The following TAF3 variants were observed in gnomAD, a reference collection of about 807,000 sequenced individuals.
The protein encoded by TAF3 is transcription initiation factor TFIID subunit 3.
TAF3 carries 7 observed loss-of-function variants against 80.6 expected under a neutral mutation model. The ratio of observed to expected loss-of-function variants is 0.09; its 90% CI spans 0.05 to 0.16. The LOEUF (loss-of-function observed/expected upper bound fraction) is 0.16. Ranked by LOEUF, TAF3 falls within the 10% of genes least tolerant of loss-of-function variation. TAF3 has a pLI of 1.00. For synonymous variants in TAF3, 444 were observed against 446.1 expected (o/e 1.00, Z 0.06); for missense variants, 921 against 1,140.2 (o/e 0.81, Z 2.77).
chr10:8,009,270 C>A lies in TAF3; in HGVS notation c.2508C>A (p.Ser836=). ...ALLPSPGPAA[S]GASAKAPVRS... is the part of the protein sequence containing the mutation. ...TGCCCTCCCCGGGTCCCGCCGCCTC[C>A]GGGGCCAGTGCCAAAGCCCCCGTGC... The change falls in exon 5 of 7, where the codon TCC becomes TCA. Residue 836 remains serine, a synonymous_variant. Transcript: ENST00000344293. This position sits in a 1 kb window ranked among gnomAD's most constrained non-coding sequence, Gnocchi z 4.1. The A allele has an allele frequency of 1.9e-6, 3 of 1,570,544 alleles. No individual in the cohort carries two copies. The highest frequency in any genetic ancestry group is 2.3e-5 in the South Asian group (2 of 86,798).
chr10:8,006,192 AC>A (rs1831990786), intron 4 of TAF3, among the ~76,000 whole-genome samples: 1 of 129,326 alleles, frequency 7.7e-6, no homozygotes, highest in African/African-American at 3.3e-5. Context: ...ACACACACAC[AC>A]ACACACACAC....
At chr10:7,994,820 A>G (rs2131430605) in intron 4 of TAF3, among the ~76,000 whole-genome samples, 1 of 151,366 alleles carries the variant, frequency 6.6e-6, no homozygotes, top group Admixed American at 6.6e-5. Flanking sequence ...AAAAAAAAAA[A>G]AAAAAATAGC....
intron 2 of TAF3, among the ~76,000 whole-genome samples, chr10:7,829,265 T>G (rs1564342267): frequency 6.6e-6 from 1 of 152,180 alleles, no homozygotes; most frequent in African/African-American, 2.4e-5. Flanking sequence ...TCTTCTGTTA[T>G]TAACCTTTTA....
Position 7,894,646 on chromosome 10 carries a change from C to G in TAF3, c.410-69274C>G, listed in dbSNP as rs193082915. On this transcript the variant is annotated intron_variant, in intron 2 of 6. Transcript: ENST00000344293. The stretch of plus-strand genomic sequence containing the variant: ...CCAATTAATATTTATTGAACACTTA[C>G]TATAAATGCCAAAATCATCTATGAA... Among the ~76,000 whole-genome samples the G allele has an allele frequency of 2.0e-5, 3 of 152,278 alleles. No individual in the cohort carries two copies. In the East Asian group the frequency reaches 5.8e-4, roughly 29 times the overall value.
intron 1 of TAF3, 73 bp downstream of exon 1, chr10:7,818,948 C>A: frequency 7.6e-7 from 1 of 1,316,978 alleles, no homozygotes; most frequent in Non-Finnish European, 9.7e-7. Context: ...CCCTGTCCCT[C>A]CGCGTCCCCG....
chr10:7,911,601 C>T (rs1238904984), intron 2 of TAF3, among the ~76,000 whole-genome samples: 4 of 152,172 alleles, frequency 2.6e-5, no homozygotes, highest in South Asian at 2.1e-4. Flanking sequence ...AGCAGCAGGA[C>T]GTTTACCAGA....
intron 2 of TAF3, among the ~76,000 whole-genome samples, chr10:7,935,808 C>T (rs1030548029): frequency 1.5e-4 from 23 of 152,050 alleles, no homozygotes; most frequent in Non-Finnish European, 5.9e-5. Context: ...CTCATTGATT[C>T]AGGAGAAAAG....
chr10:7,842,172 T>TG (rs1836924480), intron 2 of TAF3, among the ~76,000 whole-genome samples: 1 of 97,146 alleles, frequency 1.0e-5, no homozygotes, highest in African/African-American at 3.9e-5. Context: ...TTGTTTTTTT[T>TG]TTTGTTTTTT....
chr10:7,906,706 C>T (rs533267701), intron 2 of TAF3, among the ~76,000 whole-genome samples: 80 of 151,528 alleles, frequency 5.3e-4, no homozygotes, highest in Admixed American at 1.8e-3. Context: ...TTAAATAGAG[C>T]GCAAGCAGCA....
chr10:7,931,011 A>C (rs1459221793), intron 2 of TAF3, among the ~76,000 whole-genome samples: 1 of 152,120 alleles, frequency 6.6e-6, no homozygotes, highest in Non-Finnish European at 1.5e-5. Context: ...ACTTAATTTG[A>C]CTCTACAGTA....
At chr10:7,961,435 C>T (rs1838188998) in intron 2 of TAF3, among the ~76,000 whole-genome samples, 1 of 152,222 alleles carries the variant, frequency 6.6e-6, no homozygotes, top group South Asian at 2.1e-4. Context: ...GCCTCATCCT[C>T]GTTGACCTCT....
intron 4 of TAF3, among the ~76,000 whole-genome samples, chr10:7,985,652 C>G (rs996052951): frequency 2.0e-5 from 3 of 152,202 alleles, no homozygotes; most frequent in African/African-American, 7.2e-5. Flanking sequence ...TTCCAGAGAA[C>G]ATGCAGCAGC....
chr10:7,876,439 AT>A (rs758008985), intron 2 of TAF3, among the ~76,000 whole-genome samples: 3 of 152,170 alleles, frequency 2.0e-5, no homozygotes, highest in Non-Finnish European at 2.9e-5. Flanking sequence ...TAAAGTACAT[AT>A]TGTTTTCTAA....
intron 2 of TAF3, among the ~76,000 whole-genome samples, chr10:7,958,560 T>G (rs1838158741): frequency 6.6e-6 from 1 of 152,040 alleles, no homozygotes; most frequent in Non-Finnish European, 1.5e-5. Flanking sequence ...CCTACAAATA[T>G]GGTAAAACTA....
At chr10:7,969,737 C>G (rs1358017154) in intron 3 of TAF3, among the ~76,000 whole-genome samples, 1 of 152,140 alleles carries the variant, frequency 6.6e-6, no homozygotes, top group Non-Finnish European at 1.5e-5. Context: ...AGTAGAGTTT[C>G]ACCCCAAAAA....
chr10:7,839,190 C>T (rs755702869), intron 2 of TAF3, among the ~76,000 whole-genome samples: 3 of 152,174 alleles, frequency 2.0e-5, no homozygotes, highest in Non-Finnish European at 4.4e-5. Context: ...TCAGCTCATG[C>T]TGGCATGGAG....
chr10:7,953,527 G>A (rs1174458787), intron 2 of TAF3, among the ~76,000 whole-genome samples: 1 of 152,154 alleles, frequency 6.6e-6, no homozygotes, highest in Non-Finnish European at 1.5e-5. Flanking sequence ...GCTGTGCTGG[G>A]TTGAACTTGG....
chr10:7,963,381 G>A (rs1029488875), intron 2 of TAF3, among the ~76,000 whole-genome samples: 10 of 152,128 alleles, frequency 6.6e-5, no homozygotes, highest in East Asian at 1.9e-4. Flanking sequence ...TGGAAATACC[G>A]AGCAATTTCC....
chr10:7,885,592 T>A (rs1290929602), intron 2 of TAF3, among the ~76,000 whole-genome samples: 1 of 152,222 alleles, frequency 6.6e-6, no homozygotes, highest in African/African-American at 2.4e-5. Flanking sequence ...ATCCTTCCTG[T>A]CTCTTTCAGA....
Sources: gnomAD v4.1 joint callset for allele counts (sites outside exome capture counted in the v4.1 genomes callset) on GRCh38, gnomAD v4.1.1 for gene constraint, Gnocchi (gnomAD v3.1) non-coding constraint, MANE v1.5 for transcripts, NCBI Gene and HGNC (gene_info 2026-07-23, HGNC 2026-07-21) for gene names.